Variants in ELP4 observed in about 807,000 individuals in gnomAD.
The protein encoded by ELP4 is elongator complex protein 4.
Under a neutral mutation model 48.9 loss-of-function variants are expected in ELP4, and 51 were observed. The ratio of observed to expected loss-of-function variants is 1.04; its 90% CI spans 0.83 to 1.32. The LOEUF (loss-of-function observed/expected upper bound fraction) is 1.32, where lower values mean the gene tolerates loss of function less well. ELP4 is among the 40% of genes most tolerant of loss of function. The pLI, the probability that ELP4 is intolerant of heterozygous loss-of-function variation, is 0.00. For missense variants in ELP4, 519 were observed against 514.6 expected (o/e 1.01, Z -0.08); for synonymous variants, 210 against 189.2 (o/e 1.11, Z -0.90).
intron 9 of ELP4, among the ~76,000 whole-genome samples, chr11:31,735,630 C>G (rs1337018680): frequency 6.6e-6 from 1 of 152,168 alleles, no homozygotes; most frequent in Non-Finnish European, 1.5e-5. Flanking sequence ...AGCAAAGTCT[C>G]AGGATACAAA....
chr11:31,681,971 C>T (rs1385727278), intron 9 of ELP4: 1 of 844,260 alleles, frequency 1.2e-6, no homozygotes. Context: ...GAACTCCTGA[C>T]CTCAGGTGAT....
intron 9 of ELP4, chr11:31,719,601 G>GA (rs1281266551): frequency 4.0e-5 from 16 of 396,788 alleles, no homozygotes; most frequent in Non-Finnish European, 7.1e-5. Flanking sequence ...AATGACAGAA[G>GA]AAAAAAATGT....
intron 9 of ELP4, chr11:31,714,740 T>C (rs930449957): frequency 5.0e-6 from 2 of 398,538 alleles, no homozygotes; most frequent in Non-Finnish European, 8.8e-6. Context: ...ATTCCTTGGC[T>C]CATGGCTTCT....
chr11:31,664,188 A>G (rs1945621668), intron 9 of ELP4: 1 of 152,168 alleles, frequency 6.6e-6, no homozygotes, highest in Non-Finnish European at 1.5e-5. Flanking sequence ...GGAATTAAGA[A>G]TAAAGCTGCC....
At chr11:31,659,835 T>C (rs1448208693) in intron 9 of ELP4, among the ~76,000 whole-genome samples, 1 of 151,784 alleles carries the variant, frequency 6.6e-6, no homozygotes, top group Admixed American at 6.6e-5. Context: ...CTACTAAAAA[T>C]GTAAAAATTA....
chr11:31,578,504 A>G (rs1957327933), intron 3 of ELP4, among the ~76,000 whole-genome samples: 1 of 152,208 alleles, frequency 6.6e-6, no homozygotes, highest in South Asian at 2.1e-4. Context: ...CCAAAGAACA[A>G]AGCTGCGGGC....
chr11:31,581,994 G>C (rs538157914), intron 3 of ELP4, among the ~76,000 whole-genome samples: 47 of 152,134 alleles, frequency 3.1e-4, no homozygotes, highest in African/African-American at 1.1e-3. Flanking sequence ...CCTCAGGTGA[G>C]CCTTCCGCCT....
intron 9 of ELP4, among the ~76,000 whole-genome samples, chr11:31,751,873 A>G (rs545589287): frequency 1.7e-4 from 26 of 152,304 alleles, no homozygotes; most frequent in Admixed American, 3.3e-4. Context: ...AGTCCTGTCA[A>G]TGCTACCCTT....
At chr11:31,572,442 C>G (rs544110366) in intron 3 of ELP4, among the ~76,000 whole-genome samples, 1 of 152,210 alleles carries the variant, frequency 6.6e-6, no homozygotes, top group South Asian at 2.1e-4. Context: ...ATGGATTTCA[C>G]TTATATTCCT....
chr11:31,657,001 A>G (rs1419107177), intron 9 of ELP4, among the ~76,000 whole-genome samples: 1 of 152,016 alleles, frequency 6.6e-6, no homozygotes, highest in African/African-American at 2.4e-5. Context: ...AAAACAGAAA[A>G]TGATGACAAA....
intron 7 of ELP4, among the ~76,000 whole-genome samples, chr11:31,641,831 T>C (rs1253146426): frequency 6.6e-6 from 1 of 151,938 alleles, no homozygotes; most frequent in Non-Finnish European, 1.5e-5. Context: ...TTTTAAACTT[T>C]AGTATCTTTA....
At chr11:31,645,088 T>G (rs1387638741) in intron 7 of ELP4, among the ~76,000 whole-genome samples, 1 of 151,762 alleles carries the variant, frequency 6.6e-6, no homozygotes, top group Non-Finnish European at 1.5e-5. Flanking sequence ...TTTATGGTAA[T>G]AGTATGATGA....
chr11:31,781,961 G>A (rs974841706), intron 9 of ELP4, among the ~76,000 whole-genome samples: 1 of 152,098 alleles, frequency 6.6e-6, no homozygotes, highest in Non-Finnish European at 1.5e-5. Flanking sequence ...ATAAGTGACA[G>A]GCTGGGTCCC....
Position 31,708,847 on chromosome 11 carries a change from G to A in ELP4, c.1143+58626G>A, listed in dbSNP as rs985286324. On this transcript the variant is annotated intron_variant, in intron 9 of 9. Transcript: ENST00000640961. ...CTGTTGCCTAAAGTTTCCACTGTTA[G>A]TGTAACTAATTGAATAATTATGCAA... Among the ~76,000 whole-genome samples, 6 of 152,166 alleles carry A rather than the reference G, an allele frequency of 3.9e-5. No homozygotes were observed. The South Asian group carries it at 1.2e-3, about 32-fold the overall frequency.
intron 9 of ELP4, among the ~76,000 whole-genome samples, chr11:31,724,996 G>A (rs566213978): frequency 6.6e-6 from 1 of 152,320 alleles, no homozygotes; most frequent in South Asian, 2.1e-4. Context: ...TTCAAAGATT[G>A]TGGTTCTCCC....
chr11:31,573,588 TAAAG>T (rs1454998277), intron 3 of ELP4: 4 of 152,292 alleles, frequency 2.6e-5, no homozygotes, highest in East Asian at 3.9e-4. Flanking sequence ...TTTTCACAGA[TAAAG>T]AAAGAGCTCT....
chr11:31,519,220 A>G (rs2180950), intron 1 of ELP4, among the ~76,000 whole-genome samples: 39,905 of 152,064 alleles, frequency 0.26, 5,473 homozygotes, highest in South Asian at 0.34. Flanking sequence ...TTTAAATTGT[A>G]AATATATTTA....
At position 31,520,088 on chromosome 11, in the gene ELP4, AT is replaced by A. The variant is rs1480623173; in HGVS notation, c.258del (p.Ile86MetfsTer73). On this transcript the variant is annotated frameshift_variant and splice_region_variant, in exon 2 of 10. Coordinates refer to ENST00000640961, the MANE Select transcript of ELP4 (RefSeq NM_019040.5). LOFTEE classifies it high-confidence loss of function. Reference sequence around the variant, plus strand: ...TTTAGCCGTTGGAACAGTTCTTCTAATTGGTTAGTACAAAATACATGCTTTG... The same window carrying A: ...TTTAGCCGTTGGAACAGTTCTTCTAATGGTTAGTACAAAATACATGCTTTG... ...GGLAVGTVLL[I>X]EEDKYNIYSP... The A allele has an allele frequency of 4.3e-6, 7 of 1,612,298 alleles. No homozygotes were observed. Among genetic ancestry groups the A allele is most frequent in the Non-Finnish European group, 5.9e-6 (7 of 1,179,310 alleles).
chr11:31,558,681 C>G (rs185587177), intron 3 of ELP4, among the ~76,000 whole-genome samples: 2 of 152,266 alleles, frequency 1.3e-5, no homozygotes, highest in East Asian at 3.9e-4. Flanking sequence ...ACCCTGCCTA[C>G]CTTATTCCGG....
Sources: allele counts gnomAD v4.1 joint callset (sites outside exome capture counted in the v4.1 genomes callset), GRCh38; gene constraint gnomAD v4.1.1; transcripts MANE v1.5; gene names NCBI Gene and HGNC (gene_info 2026-07-23, HGNC 2026-07-21).